The following SPAG16 variants were observed in gnomAD, a reference collection of about 807,000 sequenced individuals.
The protein encoded by SPAG16 is sperm associated antigen 16, also known as sperm-associated antigen 16 protein.
In SPAG16, 86 loss-of-function variants were observed where a neutral mutation model predicts 80.4. The observed-to-expected ratio is 1.07, with a 90% confidence interval of 0.90 to 1.28. The LOEUF (loss-of-function observed/expected upper bound fraction) is 1.28. Ranked by LOEUF, SPAG16 falls within the 50% of genes most tolerant of loss-of-function variation. The pLI, the probability that SPAG16 is intolerant of heterozygous loss-of-function variation, is 0.00. For missense variants in SPAG16, 870 were observed against 765.3 expected, an observed-to-expected ratio of 1.14 and a Z score of -1.61; for synonymous variants, 294 against 265.9, an observed-to-expected ratio of 1.11 and a Z score of -1.03.
At chr2:214,292,139 A>G (rs1464415075) in intron 15 of SPAG16, among the ~76,000 whole-genome samples, 2 of 152,012 alleles carry the variant, frequency 1.3e-5, no homozygotes, top group Non-Finnish European at 2.9e-5. Context: ...GAGTTCCTTT[A>G]TAGGTGACAA....
At chr2:214,092,341 A>C (rs2052271991) in intron 13 of SPAG16, among the ~76,000 whole-genome samples, 1 of 152,090 alleles carries the variant, frequency 6.6e-6, no homozygotes, top group Admixed American at 6.6e-5. Flanking sequence ...TCTCTTCCCC[A>C]CATGACTGCC....
chr2:213,423,878 G>A (rs185965739), intron 9 of SPAG16, among the ~76,000 whole-genome samples: 8 of 152,198 alleles, frequency 5.3e-5, no homozygotes, highest in Non-Finnish European at 1.0e-4. Context: ...TTTATTTACT[G>A]ACTTTTGTTA....
At chr2:213,995,980 C>T (rs142689839) in intron 12 of SPAG16, among the ~76,000 whole-genome samples, 56 of 152,310 alleles carry the variant, frequency 3.7e-4, no homozygotes, top group Non-Finnish European at 6.9e-4. Context: ...TCCTTGAAAG[C>T]TTCCCTAAAG....
At chr2:213,397,098 T>C (rs2068079052) in intron 9 of SPAG16, among the ~76,000 whole-genome samples, 1 of 152,222 alleles carries the variant, frequency 6.6e-6, no homozygotes, top group Admixed American at 6.5e-5. Context: ...GTAAATGTTT[T>C]AACAATCAAC....
In SPAG16 at chr2:213,645,688, G is replaced by T. The variant is rs1574630825; in HGVS notation, c.1070+155598G>T. Among the ~76,000 whole-genome samples the T allele has an allele frequency of 2.6e-5, 4 of 152,224 alleles. No homozygotes were observed. The South Asian group carries it at 8.3e-4, about 32-fold the overall frequency. On this transcript the variant is annotated intron_variant, in intron 10 of 15. Coordinates refer to ENST00000331683, the MANE Select transcript of SPAG16 (RefSeq NM_024532.5). The stretch of plus-strand genomic sequence containing the variant: ...TCAAGCAAAATGGAGGGGTCTCTTG[G>T]AGCTGGAAGCTCTGCAACTTGGGGA...
At chr2:213,676,866 C>A (rs1284448656) in intron 10 of SPAG16, among the ~76,000 whole-genome samples, 2 of 150,660 alleles carry the variant, frequency 1.3e-5, no homozygotes, top group South Asian at 2.1e-4. Context: ...TGTCTCTGCC[C>A]AGCTTTGGTA....
At chr2:214,384,846 T>C (rs192648175) in intron 15 of SPAG16, among the ~76,000 whole-genome samples, 24 of 152,316 alleles carry the variant, frequency 1.6e-4, no homozygotes, top group African/African-American at 4.6e-4. Context: ...GCACATACTA[T>C]TGAGTCACTC....
At chr2:213,980,712 G>GTGTATATA (rs1469351640) in intron 12 of SPAG16, among the ~76,000 whole-genome samples, 9 of 113,998 alleles carry the variant, frequency 7.9e-5, no homozygotes, top group South Asian at 2.8e-4. Flanking sequence ...GTGTGTGTGT[G>GTGTATATA]TATATATATA....
intron 15 of SPAG16, among the ~76,000 whole-genome samples, chr2:214,241,548 T>A (rs1246807371): frequency 6.6e-6 from 1 of 152,146 alleles, no homozygotes; most frequent in Non-Finnish European, 1.5e-5. Flanking sequence ...CTTTATTGTT[T>A]GACAACATAA....
rs576663920 is a variant in SPAG16, at chr2:213,659,932, TCAACAAA to T, written c.1070+169844_1070+169850del. Among the ~76,000 whole-genome samples the T allele has an allele frequency of 6.0e-4, 92 of 152,294 alleles. 1 individual carries two copies. The East Asian group carries it at 0.018, about 29-fold the overall frequency. Reference sequence around the variant, plus strand: ...ATATTCATTAAGGGAATATTCATTTTCAACAAACCCACTCTGTGAGTCCATTGGGATT... The same window carrying T: ...ATATTCATTAAGGGAATATTCATTTTCCCACTCTGTGAGTCCATTGGGATT... On this transcript the variant is annotated intron_variant, in intron 10 of 15. Transcript: ENST00000331683.
intron 10 of SPAG16, among the ~76,000 whole-genome samples, chr2:213,551,024 A>T (rs562763923): frequency 2.3e-4 from 35 of 152,178 alleles, no homozygotes; most frequent in Admixed American, 1.1e-3. Flanking sequence ...AAGATATTTT[A>T]GAAAAATTCA....
chr2:213,369,219 A>C (rs1364166482), intron 8 of SPAG16, among the ~76,000 whole-genome samples: 1 of 152,224 alleles, frequency 6.6e-6, no homozygotes. Flanking sequence ...ATACTAAAGA[A>C]GTTTCTTTGG....
intron 10 of SPAG16, among the ~76,000 whole-genome samples, chr2:213,754,111 T>C (rs764865377): frequency 6.6e-6 from 1 of 152,190 alleles, no homozygotes; most frequent in Non-Finnish European, 1.5e-5. Context: ...CTGTTCCAAC[T>C]CTTAGACTTC....
intron 12 of SPAG16, among the ~76,000 whole-genome samples, chr2:213,945,107 G>T (rs935404330): frequency 2.0e-5 from 3 of 151,576 alleles, no homozygotes; most frequent in African/African-American, 7.3e-5. Flanking sequence ...AATACTATAA[G>T]ACAGTGTATT....
rs550495628 is a variant in SPAG16 at position 213,518,629 on chromosome 2, G to C, written c.1070+28539G>C. Among the ~76,000 whole-genome samples, 21 of 152,314 alleles carry C rather than the reference G, an allele frequency of 1.4e-4. No homozygotes were observed. The South Asian group carries it at 1.9e-3, about 14-fold the overall frequency. On this transcript the variant is annotated intron_variant, in intron 10 of 15. Transcript: ENST00000331683. The stretch of plus-strand genomic sequence containing the variant: ...ATGGAGAAAAGGGAGCATGTACAGT[G>C]GTGGTGGGAATGTAAATTAGTTCAG...
rs767648099 is a variant in SPAG16 at position 213,949,169 on chromosome 2, G to GTTTTTTTTTTTTTTTTTTTTTTTTTTTT, written c.1400+19048_1400+19049insTTTTTTTTTTTTTTTTTTTTTTTTTTTT. On this transcript the variant is annotated intron_variant, in intron 12 of 15. Transcript: ENST00000331683. ...GCAGAGACACTACTTAATTACAACAGTTTTTTTTTTTTTTTTTTTTTTTTG... is the reference window on the plus strand; with the variant it reads ...GCAGAGACACTACTTAATTACAACAGTTTTTTTTTTTTTTTTTTTTTTTTTTTTTTTTTTTTTTTTTTTTTTTTTTTTG... Among the ~76,000 whole-genome samples, 67 of 56,728 alleles carry GTTTTTTTTTTTTTTTTTTTTTTTTTTTT rather than the reference G, an allele frequency of 1.2e-3. 2 individuals are homozygous for GTTTTTTTTTTTTTTTTTTTTTTTTTTTT. The highest frequency in any genetic ancestry group is 3.7e-3 in the East Asian group (6 of 1,600). 37.2% of individuals were successfully genotyped at this position (56,728 alleles called of 152,430 possible).
chr2:213,413,496 A>G (rs1222518265), intron 9 of SPAG16, among the ~76,000 whole-genome samples: 4 of 152,176 alleles, frequency 2.6e-5, no homozygotes, highest in Non-Finnish European at 5.9e-5. Context: ...TACTTTACAT[A>G]TGTTTCCAAT....
intron 10 of SPAG16, among the ~76,000 whole-genome samples, chr2:213,732,088 T>C (rs2067071351): frequency 6.6e-6 from 1 of 152,202 alleles, no homozygotes; most frequent in Non-Finnish European, 1.5e-5. Context: ...AGTTGATTTT[T>C]GTTGATGGTG....
chr2:214,194,277 C>T (rs760858257), intron 15 of SPAG16, among the ~76,000 whole-genome samples: 1 of 151,996 alleles, frequency 6.6e-6, no homozygotes, highest in Non-Finnish European at 1.5e-5. Flanking sequence ...TATAGGCAAA[C>T]CTGTCTACCT....
Sources: allele counts gnomAD v4.1 joint callset (sites outside exome capture counted in the v4.1 genomes callset), GRCh38; gene constraint gnomAD v4.1.1; transcripts MANE v1.5; gene names NCBI Gene and HGNC (gene_info 2026-07-23, HGNC 2026-07-21).